Variants in GPHN observed in about 807,000 individuals in gnomAD.
GPHN encodes the protein gephyrin.
A neutral mutation model predicts 95.5 loss-of-function variants in GPHN; 17 were observed. The observed-to-expected ratio is 0.18, with a 90% confidence interval of 0.12 to 0.27. The LOEUF (loss-of-function observed/expected upper bound fraction) is 0.27. Among genes scored for constraint, GPHN ranks in the 10% least tolerant of loss-of-function variants. The pLI is 1.00. For synonymous variants in GPHN, 320 were observed against 322.5 expected, an observed-to-expected ratio of 0.99 and a Z score of 0.08; for missense variants, 660 against 978.1, an observed-to-expected ratio of 0.67 and a Z score of 4.34.
intron 10 of GPHN, among the ~76,000 whole-genome samples, chr14:67,035,555 A>T (rs1048624707): frequency 4.6e-5 from 7 of 151,864 alleles, no homozygotes; most frequent in Non-Finnish European, 1.5e-5. Context: ...ATTGCAACTG[A>T]TGCTTCGGAA....
chr14:67,180,951 G>A lies in GPHN; in HGVS notation c.*14G>A, dbSNP rs1223572065. 1 of 1,613,784 alleles carries A rather than the reference G, an allele frequency of 6.2e-7. No homozygotes were observed. Among genetic ancestry groups the A allele is most frequent in the Non-Finnish European group, 8.5e-7 (1 of 1,179,782 alleles). ...GGACGGCTATGATGGTCACCAGCAG[G>A]AGAAAGCTTTGATGCATGTCCACAT... On this transcript the variant is annotated 3_prime_UTR_variant, in exon 23 of 23. Transcript: ENST00000478722.
chr14:67,524,596 A>C, the GPHN span, among the ~76,000 whole-genome samples: 68 of 152,150 alleles, frequency 4.5e-4, no homozygotes, highest in Non-Finnish European at 8.8e-5. Flanking sequence ...AATGGAGAAA[A>C]TGGCTGAATA....
intron 3 of GPHN, among the ~76,000 whole-genome samples, chr14:66,813,677 T>C (rs1404019880): frequency 6.6e-6 from 1 of 152,192 alleles, no homozygotes; most frequent in African/African-American, 2.4e-5. Flanking sequence ...TAGTGGAGCA[T>C]GGCCAGGGAC....
chr14:66,541,307 T>A (rs2059344097), intron 1 of GPHN, among the ~76,000 whole-genome samples: 1 of 152,186 alleles, frequency 6.6e-6, no homozygotes, highest in Non-Finnish European at 1.5e-5. Context: ...CATCACTTTT[T>A]CATTCTCTGA....
chr14:67,323,267 A>G, the GPHN span, among the ~76,000 whole-genome samples: 7,365 of 133,190 alleles, frequency 0.055, 384 homozygotes, highest in African/African-American at 0.16. Flanking sequence ...GTGTGTATAT[A>G]TATATATGGC....
chr14:67,321,301 A>G, the GPHN span: 24 of 1,590,250 alleles, frequency 1.5e-5, no homozygotes, highest in South Asian at 2.2e-5. Flanking sequence ...CTTAGAAGGA[A>G]TGTCATATAG....
intron 1 of GPHN, among the ~76,000 whole-genome samples, chr14:66,652,196 C>T (rs779245693): frequency 2.0e-5 from 3 of 151,986 alleles, no homozygotes; most frequent in Non-Finnish European, 2.9e-5. Flanking sequence ...CTATCATATG[C>T]CAAACATTGT....
chr14:67,059,111 G>C (rs899129071), intron 11 of GPHN: 4 of 402,186 alleles, frequency 9.9e-6, no homozygotes, highest in Non-Finnish European at 1.7e-5. Context: ...CACTGAGTGA[G>C]GAAAGTAGTT....
At chr14:66,831,749 T>C (rs112655578) in intron 4 of GPHN, among the ~76,000 whole-genome samples, 1,910 of 152,338 alleles carry the variant, frequency 0.013, 19 homozygotes, top group Non-Finnish European at 0.018. Flanking sequence ...AATTGTTGAT[T>C]CTAATAATAA....
rs142479359 is a variant in GPHN, at chr14:66,778,526, G to A, written c.201+2005G>A. Among the ~76,000 whole-genome samples, 11 of 152,088 alleles carry A rather than the reference G, an allele frequency of 7.2e-5. No homozygotes were observed. The East Asian group carries it at 2.1e-3, about 29-fold the overall frequency. On this transcript the variant is annotated intron_variant, in intron 3 of 22. Transcript: ENST00000478722. ...ATATGTTGTTCTTTTTCAAAAGCAAGATTGAATAATTGGATATTAATAATG... is the reference window on the plus strand; with the variant it reads ...ATATGTTGTTCTTTTTCAAAAGCAAAATTGAATAATTGGATATTAATAATG...
the GPHN span, among the ~76,000 whole-genome samples, chr14:67,394,156 T>C: frequency 6.6e-6 from 1 of 152,210 alleles, no homozygotes; most frequent in Non-Finnish European, 1.5e-5. Flanking sequence ...TTCTTCTCCT[T>C]ATCTAAATGT....
intron 9 of GPHN, among the ~76,000 whole-genome samples, chr14:67,010,577 A>G (rs1237304480): frequency 6.6e-6 from 1 of 151,706 alleles, no homozygotes; most frequent in Non-Finnish European, 1.5e-5. Flanking sequence ...AAAGAAAGAA[A>G]AAAAAGAATA....
intron 1 of GPHN, among the ~76,000 whole-genome samples, chr14:66,675,246 C>T (rs1283148428): frequency 6.0e-5 from 9 of 150,626 alleles, no homozygotes; most frequent in East Asian, 2.0e-4. Flanking sequence ...CGAATTCAAG[C>T]GATTCTCCTG....
intron 1 of GPHN, among the ~76,000 whole-genome samples, chr14:66,529,368 C>T (rs989501933): frequency 1.3e-5 from 2 of 152,040 alleles, no homozygotes; most frequent in African/African-American, 2.4e-5. Context: ...ATTTGTCTAA[C>T]CTTATTTCAA....
At chr14:66,925,244 A>T (rs892223303) in intron 8 of GPHN, among the ~76,000 whole-genome samples, 2 of 152,190 alleles carry the variant, frequency 1.3e-5, no homozygotes, top group Non-Finnish European at 2.9e-5. Context: ...GGTATCCATC[A>T]CTTCAAGCAT....
the GPHN span, among the ~76,000 whole-genome samples, chr14:67,636,678 G>C: frequency 6.6e-6 from 1 of 152,338 alleles, no homozygotes; most frequent in South Asian, 2.1e-4. Flanking sequence ...GGTTTATCAA[G>C]GCCAAAGGTA....
At chr14:67,036,509 A>ACACACACACACG (rs2074431380) in intron 10 of GPHN, among the ~76,000 whole-genome samples, 1 of 145,686 alleles carries the variant, frequency 6.9e-6, no homozygotes, top group African/African-American at 2.5e-5. Context: ...ATGCACACAC[A>ACACACACACACG]CACACACACA....
At chr14:66,577,831 A>G (rs1420306560) in intron 1 of GPHN, among the ~76,000 whole-genome samples, 1 of 152,080 alleles carries the variant, frequency 6.6e-6, no homozygotes, top group East Asian at 1.9e-4. Context: ...TGTCTCTCCC[A>G]GTCAAGGTTA....
intron 2 of GPHN, among the ~76,000 whole-genome samples, chr14:66,694,821 C>G (rs1358012342): frequency 6.6e-6 from 1 of 152,164 alleles, no homozygotes; most frequent in African/African-American, 2.4e-5. Flanking sequence ...TGTACTATTA[C>G]TTAAAAATAT....
Sources: allele counts gnomAD v4.1 joint callset (sites outside exome capture counted in the v4.1 genomes callset), GRCh38; gene constraint gnomAD v4.1.1; transcripts MANE v1.5; gene names NCBI Gene and HGNC (gene_info 2026-07-23, HGNC 2026-07-21).